The following CDH1 variants were observed in gnomAD, a reference collection of about 807,000 sequenced individuals.
CDH1 encodes cadherin 1, also known as cadherin-1.
Under a neutral mutation model 84.5 loss-of-function variants are expected in CDH1, and 35 were observed. The ratio of observed to expected loss-of-function variants is 0.41; its 90% CI spans 0.32 to 0.55. The LOEUF is 0.55. CDH1 is among the 20% of genes least tolerant of loss of function. The pLI, the probability that CDH1 is intolerant of heterozygous loss-of-function variation, is 0.19. For missense variants in CDH1, 994 were observed against 1,126.6 expected, an observed-to-expected ratio of 0.88 and a Z score of 1.68; for synonymous variants, 417 against 439.0, an observed-to-expected ratio of 0.95 and a Z score of 0.63.
intron 2 of CDH1, among the ~76,000 whole-genome samples, chr16:68,785,657 A>T (rs1960027292): frequency 6.6e-6 from 1 of 152,208 alleles, no homozygotes; most frequent in South Asian, 2.1e-4. Context: ...TAGTTACACA[A>T]AAGATAGCAC....
At chr16:68,766,377 C>T (rs1308290617) in intron 2 of CDH1, among the ~76,000 whole-genome samples, 3 of 152,166 alleles carry the variant, frequency 2.0e-5, no homozygotes, top group Non-Finnish European at 2.9e-5. Context: ...CCCTAACTGC[C>T]GGATGCACCG....
At position 68,833,383 on chromosome 16, in the gene CDH1, C is replaced by T. The variant is rs1281904866; in HGVS notation, c.2533C>T (p.Leu845=). ...AGGAAGCGGTTCCGAAGCTGCTAGT[C>T]TGAGCTCCCTGAACTCCTCAGAGTC... is the stretch of plus-strand genomic sequence containing the variant. ...YEGSGSEAAS[L]SSLNSSESDK... The change falls in exon 16 of 16, where the codon CTG becomes TTG. Residue 845 remains leucine (L), a synonymous_variant. Coordinates refer to ENST00000261769, the MANE Select transcript of CDH1 (RefSeq NM_004360.5). The T allele has an allele frequency of 6.2e-7, 1 of 1,614,188 alleles. No individual in the cohort carries two copies. The highest frequency in any genetic ancestry group is 8.5e-7 in the Non-Finnish European group (1 of 1,180,032).
At chr16:68,769,491 T>C (rs1959484458) in intron 2 of CDH1, among the ~76,000 whole-genome samples, 1 of 151,886 alleles carries the variant, frequency 6.6e-6, no homozygotes, top group Admixed American at 6.6e-5. Flanking sequence ...CTCTTTTTAA[T>C]TGAGACAGGG....
In CDH1 at chr16:68,823,598, G is replaced by T. The variant is rs763402728; in HGVS notation, c.2136G>T (p.Gly712=). Residue 712 remains glycine, a synonymous_variant, in exon 13 of 16, where the codon GGG becomes GGT. Coordinates refer to ENST00000261769, the MANE Select transcript of CDH1 (RefSeq NM_004360.5). ...EAGLQIPAIL[G]ILGGILALLI... ...GATTGCAAATTCCTGCCATTCTGGG[G>T]ATTCTTGGAGGAATTCTTGCTTTGC... The T allele has an allele frequency of 1.9e-5, 30 of 1,613,002 alleles. No homozygotes were observed. The highest frequency in any genetic ancestry group is 1.9e-5 in the Non-Finnish European group (22 of 1,179,936).
Position 68,819,200 on chromosome 16 carries a change from C to G in CDH1, c.1566-80C>G, listed in dbSNP as rs9934882. On this transcript the variant is annotated intron_variant, in intron 10 of 15. Coordinates refer to ENST00000261769, the MANE Select transcript of CDH1 (RefSeq NM_004360.5). Reference sequence around the variant, plus strand: ...AAAAACGTTGGAAGTAACCATATAACTGAAGAAGCGCTTAAGCCGTTTTCA... The same window carrying G: ...AAAAACGTTGGAAGTAACCATATAAGTGAAGAAGCGCTTAAGCCGTTTTCA... 18,787 of 1,522,210 alleles carry G rather than the reference C, an allele frequency of 0.012. 572 individuals carry two copies. Among genetic ancestry groups the G allele is most frequent in the African/African-American group, 0.1 (7,470 of 73,088 alleles). 94.3% of individuals were successfully genotyped at this position (1,522,210 alleles called of 1,614,324 possible).
intron 5 of CDH1, among the ~76,000 whole-genome samples, chr16:68,809,919 T>C (rs1190556016): frequency 1.3e-5 from 2 of 152,212 alleles, no homozygotes; most frequent in Non-Finnish European, 2.9e-5. Flanking sequence ...ATAAGAGTTT[T>C]TCAGGCCCGC....
chr16:68,774,369 A>T (rs1463424168), intron 2 of CDH1, among the ~76,000 whole-genome samples: 1 of 152,130 alleles, frequency 6.6e-6, no homozygotes, highest in African/African-American at 2.4e-5. Context: ...ATAATACAAA[A>T]ATTAGCTGGG....
intron 2 of CDH1, among the ~76,000 whole-genome samples, chr16:68,758,365 G>A (rs1452546535): frequency 6.6e-6 from 1 of 151,542 alleles, no homozygotes; most frequent in Non-Finnish European, 1.5e-5. Flanking sequence ...TTGCAATGAG[G>A]ATTCAATGAG....
chr16:68,784,582 G>T (rs915038410), intron 2 of CDH1, among the ~76,000 whole-genome samples: 4 of 151,838 alleles, frequency 2.6e-5, no homozygotes, highest in African/African-American at 9.7e-5. Flanking sequence ...TGAGATTTTG[G>T]TGCACCCATG....
chr16:68,811,322 G>A (rs117895556), intron 6 of CDH1, among the ~76,000 whole-genome samples: 2 of 150,376 alleles, frequency 1.3e-5, no homozygotes, highest in African/African-American at 2.5e-5. Context: ...GCTTGAACCC[G>A]GGAGACAGAG....
intron 3 of CDH1, among the ~76,000 whole-genome samples, chr16:68,802,611 C>T (rs1158964561): frequency 6.6e-6 from 1 of 152,066 alleles, no homozygotes; most frequent in Non-Finnish European, 1.5e-5. Flanking sequence ...GCTGGGATTA[C>T]AGGCGCCCGC....
rs35423758 is a variant in CDH1 at position 68,813,530 on chromosome 16, C to T, written c.1320+35C>T. The T allele has an allele frequency of 1.4e-4, 223 of 1,594,692 alleles. No individual in the cohort carries two copies. The African/African-American group carries it at 2.8e-3, about 20-fold the overall frequency. On this transcript the variant is annotated intron_variant, in intron 9 of 15. Coordinates refer to ENST00000261769, the MANE Select transcript of CDH1 (RefSeq NM_004360.5). ...GTACCTGGCAAGATGCAGAAACTGG[C>T]ATCCTCACAGCTGTTCATACCCTTG...
At position 68,819,356 on chromosome 16, in the gene CDH1, C is replaced by G. The variant is rs1181682630; in HGVS notation, c.1642C>G (p.Leu548Val). 1 of 1,614,028 alleles carries G rather than the reference C, an allele frequency of 6.2e-7. No homozygotes were observed. Among genetic ancestry groups the G allele is most frequent in the South Asian group, 1.1e-5 (1 of 91,074 alleles). Residue 548 changes from leucine to valine, a missense_variant, in exon 11 of 16, where the codon CTG becomes GTG. By Grantham distance (32) the Leu-to-Val change is conservative (BLOSUM62 1). Around this residue, in one of 3 missense-constraint regions of CDH1, gnomAD observed 769 missense variants for 881.8 expected, o/e 0.87. Transcript: ENST00000261769. ...TGGTGCCATTTCCACTCGGGCTGAG[C>G]TGGACAGGGAGGATTTTGAGCACGT... ...DTGAISTRAE[L>V]DREDFEHVKN... is the part of the protein sequence containing the mutation.
intron 2 of CDH1, chr16:68,742,686 G>C (rs1390712048): frequency 1.3e-5 from 2 of 152,312 alleles, no homozygotes; most frequent in African/African-American, 4.8e-5. Context: ...CTCCCAAAGT[G>C]CTGGGATTAC....
intron 2 of CDH1, among the ~76,000 whole-genome samples, chr16:68,788,281 G>A (rs1960119756): frequency 6.6e-6 from 1 of 152,090 alleles, no homozygotes; most frequent in African/African-American, 2.4e-5. Flanking sequence ...ATTTCTTACT[G>A]GTTCATTGAG....
At chr16:68,767,193 CT>C (rs935426172) in intron 2 of CDH1, among the ~76,000 whole-genome samples, 47 of 145,018 alleles carry the variant, frequency 3.2e-4, no homozygotes, top group East Asian at 1.1e-3. Flanking sequence ...CATTAAGTTT[CT>C]TTTTTTTTTT....
Position 68,744,981 on chromosome 16 carries a change from C to G in CDH1, c.163+6570C>G, listed in dbSNP as rs941575456. 2.0e-5 allele frequency among the ~76,000 whole-genome samples: 3 copies of G among 152,082 alleles called. No homozygotes were observed. In the East Asian group the frequency reaches 5.8e-4, roughly 29 times the overall value. On this transcript the variant is annotated intron_variant, in intron 2 of 15. Coordinates refer to ENST00000261769, the MANE Select transcript of CDH1 (RefSeq NM_004360.5). ...CTGCAAACAGTGACTAAGCCTAGTGCCTTGTTAGGAAGAAACTGGCGTTTT... is the reference window on the plus strand; with the variant it reads ...CTGCAAACAGTGACTAAGCCTAGTGGCTTGTTAGGAAGAAACTGGCGTTTT...
At position 68,835,296 on chromosome 16, in the gene CDH1, G is replaced by A. The variant is rs1388856363; in HGVS notation, c.*1797G>A. ...TTGAAATAGCTTTACTGTTTCTCAA[G>A]TGTTTTGGAGAAAAAAATCAACCCT... On this transcript the variant is annotated 3_prime_UTR_variant, in exon 16 of 16. Coordinates refer to ENST00000261769, the MANE Select transcript of CDH1 (RefSeq NM_004360.5). 2 of 226,152 alleles carry A rather than the reference G, an allele frequency of 8.8e-6. No homozygotes were observed. The highest frequency in any genetic ancestry group is 1.3e-4 in the East Asian group (2 of 15,776). The allele number at this position is 226,152 out of a possible 1,614,324, so 14.0% of individuals were successfully genotyped here. A position where few individuals can be genotyped will look rare whatever the true frequency, so the allele number is the denominator to read the frequency against.
At chr16:68,827,346 G>A (rs1381606068) in intron 13 of CDH1, among the ~76,000 whole-genome samples, 1 of 147,246 alleles carries the variant, frequency 6.8e-6, no homozygotes, top group Non-Finnish European at 1.5e-5. Flanking sequence ...GGGCACCCAT[G>A]GATAGAAAAC....
Sources: allele counts gnomAD v4.1 joint callset (sites outside exome capture counted in the v4.1 genomes callset), GRCh38; gene constraint gnomAD v4.1.1; regional missense constraint gnomAD v4.1.1; transcripts MANE v1.5; gene names NCBI Gene and HGNC (gene_info 2026-07-23, HGNC 2026-07-21).